CTBP1: variants seen among roughly 807,000 people sequenced by gnomAD.
The protein encoded by CTBP1 is C-terminal-binding protein 1.
CTBP1 carries 11 observed loss-of-function variants against 42.1 expected under a neutral mutation model. The ratio of observed to expected loss-of-function variants is 0.26; its 90% CI spans 0.16 to 0.43. CTBP1 has a LOEUF of 0.43. Among genes scored for constraint, CTBP1 ranks in the 20% least tolerant of loss-of-function variants. The probability of loss-of-function intolerance (pLI) is 1.00; values close to 1 mark genes in which losing one functional copy is unlikely to be tolerated. For missense variants in CTBP1, 399 were observed against 624.3 expected (o/e 0.64, Z 3.85); for synonymous variants, 324 against 277.1 (o/e 1.17, Z -1.68).
chr4:1,240,738 A>C (rs960258633), intron 2 of CTBP1, among the ~76,000 whole-genome samples: 1 of 152,054 alleles, frequency 6.6e-6, no homozygotes, highest in Non-Finnish European at 1.5e-5. Flanking sequence ...GTGCCTCCTC[A>C]CATCACCCAT....
chr4:1,236,742 A>T (rs1216575869), intron 3 of CTBP1: 2 of 476,836 alleles, frequency 4.2e-6, no homozygotes, highest in East Asian at 5.2e-5. Context: ...AGGGCAAACC[A>T]AGTGTCCACC....
At chr4:1,226,602 AG>A (rs919688127) in intron 4 of CTBP1, among the ~76,000 whole-genome samples, 4 of 150,302 alleles carry the variant, frequency 2.7e-5, no homozygotes, top group Admixed American at 2.0e-4. Context: ...GCCAGATCCC[AG>A]GGGTGCCCCA....
At chr4:1,243,789 G>A (rs1443210812) in intron 1 of CTBP1, 1 of 985,318 alleles carries the variant, frequency 1.0e-6, no homozygotes, top group African/African-American at 1.7e-5. Flanking sequence ...TCCCAGAGGG[G>A]CCTGTGCTGT....
At chr4:1,222,144 C>T (rs995152039) in intron 5 of CTBP1, among the ~76,000 whole-genome samples, 1 of 152,168 alleles carries the variant, frequency 6.6e-6, no homozygotes, top group Non-Finnish European at 1.5e-5. Flanking sequence ...CAGCACCGGC[C>T]CCGCCTGGAG....
intron 1 of CTBP1, among the ~76,000 whole-genome samples, chr4:1,246,988 C>T (rs1468842146): frequency 6.6e-6 from 1 of 152,206 alleles, no homozygotes; most frequent in Non-Finnish European, 1.5e-5. Flanking sequence ...AGGGGGCCGG[C>T]TCTGCGCCAA....
At position 1,240,674 on chromosome 4, in the gene CTBP1, G is replaced by T. The variant is rs891604162; in HGVS notation, c.7+651C>A. ...GAACCGGGTCCCTCAGCTGAACGGT[G>T]GGGAGGGGGGAGCAGGTGGAGACAC... On this transcript the variant is annotated intron_variant, in intron 2 of 9. Transcript: ENST00000382952. 9.2e-5 allele frequency among the ~76,000 whole-genome samples: 14 copies of T among 152,226 alleles called. 1 individual carries two copies. The highest frequency in any genetic ancestry group is 1.9e-4 in the East Asian group (1 of 5,166).
intron 2 of CTBP1, among the ~76,000 whole-genome samples, chr4:1,239,918 G>A (rs1731982306): frequency 1.3e-5 from 2 of 152,254 alleles, no homozygotes; most frequent in African/African-American, 4.8e-5. Flanking sequence ...GCCGCCCAGT[G>A]ACACTGTACA....
At chr4:1,248,767 G>A (rs941290987) in intron 1 of CTBP1, 149 bp downstream of exon 1, 1 of 972,388 alleles carries the variant, frequency 1.0e-6, no homozygotes, top group Non-Finnish European at 1.2e-6. Flanking sequence ...CCGCGGCCAC[G>A]CGCGGACGCC....
At chr4:1,245,578 C>T (rs370899988) in intron 1 of CTBP1, 126 of 981,602 alleles carry the variant, frequency 1.3e-4, no homozygotes, top group Non-Finnish European at 1.4e-4. Context: ...CACGGTGACA[C>T]GGGCGGCAGG....
intron 6 of CTBP1, among the ~76,000 whole-genome samples, chr4:1,214,769 G>T (rs1032397743): frequency 3.3e-5 from 5 of 152,198 alleles, no homozygotes; most frequent in African/African-American, 1.2e-4. Context: ...TCCTGGCTTG[G>T]TCCCCCTGTG....
intron 3 of CTBP1, among the ~76,000 whole-genome samples, chr4:1,229,440 G>A (rs1005207885): frequency 7.2e-5 from 11 of 152,192 alleles, no homozygotes; most frequent in African/African-American, 2.2e-4. Flanking sequence ...CCGAGTCCCC[G>A]GAGACACCAG....
At chr4:1,223,598 G>C (rs1729987758) in intron 5 of CTBP1, 1 of 421,538 alleles carries the variant, frequency 2.4e-6, no homozygotes, top group East Asian at 7.1e-5. Flanking sequence ...GGCCTCCTGA[G>C]GAACCCGCGA....
At position 1,212,754 on chromosome 4, in the gene CTBP1, T is replaced by TC; in HGVS notation, c.1106+158dup. On this transcript the variant is annotated intron_variant, in intron 9 of 9. Transcript: ENST00000382952. ...CAGGCTCCTTCCAAGAGGCCCTGGTTCTCATGGGCCTTTCAGGTGAGGTTG... is the reference window on the plus strand; with the variant it reads ...CAGGCTCCTTCCAAGAGGCCCTGGTTCCTCATGGGCCTTTCAGGTGAGGTTG... 4.5e-6 allele frequency: 3 copies of TC among 671,134 alleles called. No homozygotes were observed. In the South Asian group the frequency reaches 5.6e-5, roughly 12 times the overall value. 41.6% of individuals were successfully genotyped at this position (671,134 alleles called of 1,614,324 possible). A position where few individuals can be genotyped will look rare whatever the true frequency, so the allele number is the denominator to read the frequency against.
intron 1 of CTBP1, chr4:1,244,686 T>C: frequency 1.0e-6 from 1 of 985,348 alleles, no homozygotes; most frequent in Non-Finnish European, 1.2e-6. Flanking sequence ...GGCTGGGTGG[T>C]CTCAGCGGCC....
At chr4:1,245,812 G>A (rs898532209) in intron 1 of CTBP1, among the ~76,000 whole-genome samples, 1 of 152,060 alleles carries the variant, frequency 6.6e-6, no homozygotes, top group Non-Finnish European at 1.5e-5. Context: ...GGTGCCAGGG[G>A]AGGGTGCAGA....
intron 1 of CTBP1, chr4:1,241,731 G>A (rs1462675797): frequency 6.6e-6 from 8 of 1,205,076 alleles, no homozygotes; most frequent in South Asian, 1.6e-5. Context: ...AGGTTGCAGT[G>A]CCAGGCCCGA....
In CTBP1 at chr4:1,212,611, C is replaced by T. The variant is rs879302258; in HGVS notation, c.1107-188G>A. 461 of 627,954 alleles carry T rather than the reference C, an allele frequency of 7.3e-4. 3 individuals are homozygous for T. Among genetic ancestry groups the T allele is most frequent in the Non-Finnish European group, 9.2e-4 (342 of 373,034 alleles). 38.9% of individuals were successfully genotyped at this position (627,954 alleles called of 1,614,324 possible). On this transcript the variant is annotated intron_variant, in intron 9 of 9. Transcript: ENST00000382952. ...CTTCTCAGGGCTGGGGAGGGGAGCC[C>T]TGGTGTCTCCAGGTGACTTGAACAT... is the stretch of plus-strand genomic sequence containing the variant.
At chr4:1,230,421 C>T (rs967521169) in intron 3 of CTBP1, among the ~76,000 whole-genome samples, 3 of 152,228 alleles carry the variant, frequency 2.0e-5, no homozygotes, top group African/African-American at 7.2e-5. Flanking sequence ...GATGAAGCTT[C>T]GTCGGCACCC....
At chr4:1,241,975 G>A in intron 1 of CTBP1, 1 of 1,014,024 alleles carries the variant, frequency 9.9e-7, no homozygotes, top group Non-Finnish European at 1.2e-6. Flanking sequence ...CAAGGACGTG[G>A]AACTTCCCAG....
Sources: gnomAD v4.1 joint callset for allele counts (sites outside exome capture counted in the v4.1 genomes callset) on GRCh38, gnomAD v4.1.1 for gene constraint, MANE v1.5 for transcripts, NCBI Gene and HGNC (gene_info 2026-07-23, HGNC 2026-07-21) for gene names.